TMTC4: variants seen among roughly 807,000 people sequenced by gnomAD.
The protein encoded by TMTC4 is transmembrane O-mannosyltransferase targeting cadherins 4, also known as protein O-mannosyl-transferase TMTC4.
Under a neutral mutation model 86.0 loss-of-function variants are expected in TMTC4, and 65 were observed. The observed-to-expected ratio is 0.76, with a 90% CI of 0.62 to 0.93. The LOEUF is 0.93. TMTC4 is among the 40% of genes least tolerant of loss of function. TMTC4 has a pLI of 0.00. For synonymous variants in TMTC4, 379 were observed against 382.5 expected (o/e 0.99, Z 0.11); for missense variants, 866 against 948.1 (o/e 0.91, Z 1.14).
At chr13:100,623,434 T>A (rs1012353977) in intron 15 of TMTC4, among the ~76,000 whole-genome samples, 6 of 152,228 alleles carry the variant, frequency 3.9e-5, no homozygotes, top group African/African-American at 1.4e-4. Flanking sequence ...GGTTTCGCCA[T>A]GTTGGCCAGG....
Position 100,612,420 on chromosome 13 carries a change from A to G in TMTC4, c.2042T>C (p.Leu681Pro), listed in dbSNP as rs1877740411. The G allele has an allele frequency of 1.9e-6, 3 of 1,610,138 alleles. No homozygotes were observed. The highest frequency in any genetic ancestry group is 1.3e-5 in the African/African-American group (1 of 74,800). Residue 681 changes from leucine to proline, a missense_variant, in exon 17 of 19, where the codon CTG becomes CCG. Leu to Pro is a moderately conservative substitution (Grantham distance 98, BLOSUM62 -3). Coordinates refer to ENST00000342624, the MANE Select transcript of TMTC4 (RefSeq NM_032813.5). The stretch of plus-strand genomic sequence containing the variant: ...CACCTTGTATTTCTGGGATTTCCCC[A>G]GCACGTTTGCCAACGAGAACATGAG... ...HSLMFSLANV[L>P]GKSQKYKESE... is the part of the protein sequence containing the mutation.
rs1887638685 is a variant in TMTC4, at chr13:100,674,771, T to C, written c.-235A>G. On this transcript the variant is annotated 5_prime_UTR_variant, in exon 1 of 19. An upstream start codon of the reference 5' UTR is lost. Transcript: ENST00000342624. Reference sequence around the variant, plus strand: ...GCAAGGAGCCTGAGCCCCGGCCGCATCTCCCTCCCGGGTGCGGAAACTCTG... The same window carrying C: ...GCAAGGAGCCTGAGCCCCGGCCGCACCTCCCTCCCGGGTGCGGAAACTCTG... 3 of 983,538 alleles carry C rather than the reference T, an allele frequency of 3.1e-6. No homozygotes were observed. The highest frequency in any genetic ancestry group is 3.6e-6 in the Non-Finnish European group (3 of 829,308). 60.9% of individuals were successfully genotyped at this position (983,538 alleles called of 1,614,324 possible). A position where few individuals can be genotyped will look rare whatever the true frequency, so the allele number is the denominator to read the frequency against.
At chr13:100,647,073 C>T (rs941396125) in intron 6 of TMTC4, among the ~76,000 whole-genome samples, 22 of 152,094 alleles carry the variant, frequency 1.4e-4, no homozygotes, top group East Asian at 1.9e-4. Context: ...CGGAGAAGTC[C>T]GGGCCTTCCG....
In TMTC4 at chr13:100,612,452, A is replaced by T; in HGVS notation, c.2010T>A (p.Asp670Glu). ...TTGCCAACGAGAACATGAGAGAGTG[A>T]TCATTAGGTATTAATTCCAGTGCCT... ...GREALELIPN[D>E]HSLMFSLANV... Residue 670 changes from aspartate to glutamate, a missense_variant, in exon 17 of 19, where the codon GAT becomes GAA. Physicochemically the swap from Asp to Glu is conservative, Grantham distance 45. Coordinates refer to ENST00000342624, the MANE Select transcript of TMTC4 (RefSeq NM_032813.5). 6.2e-7 allele frequency: 1 copy of T among 1,611,738 alleles called. No homozygotes were observed. The highest frequency in any genetic ancestry group is 8.5e-7 in the Non-Finnish European group (1 of 1,179,292).
chr13:100,670,629 A>C (rs993689564), intron 1 of TMTC4, 60 bp from the exon 2 acceptor site: 4 of 406,386 alleles, frequency 9.8e-6, no homozygotes, highest in Non-Finnish European at 1.7e-5. Flanking sequence ...ATTTCAGCTA[A>C]AGAAATTACT....
chr13:100,651,940 A>C (rs1447893625), intron 6 of TMTC4, among the ~76,000 whole-genome samples: 1 of 152,238 alleles, frequency 6.6e-6, no homozygotes, highest in African/African-American at 2.4e-5. Context: ...CTGAACATTT[A>C]TAGACATGGG....
chr13:100,672,627 A>T (rs893546523), intron 1 of TMTC4, among the ~76,000 whole-genome samples: 1 of 152,118 alleles, frequency 6.6e-6, no homozygotes, highest in Non-Finnish European at 1.5e-5. Flanking sequence ...AGTAGCTGGG[A>T]CTATAGGCAT....
At position 100,604,843 on chromosome 13, in the gene TMTC4, C is replaced by G; in HGVS notation, c.*151G>C. On this transcript the variant is annotated 3_prime_UTR_variant, in exon 19 of 19. Coordinates refer to ENST00000342624, the MANE Select transcript of TMTC4 (RefSeq NM_032813.5). ...CGCATTCAAGAGTATATTGCTGGTG[C>G]TATAATCTTTTTGCATGTCTTTGTT... The G allele has an allele frequency of 1.3e-6, 1 of 772,338 alleles. No individual in the cohort carries two copies. Among genetic ancestry groups the G allele is most frequent in the Non-Finnish European group, 1.9e-6 (1 of 529,388 alleles). 47.8% of individuals were successfully genotyped at this position (772,338 alleles called of 1,614,324 possible).
At chr13:100,640,731 A>T (rs552178593) in intron 7 of TMTC4, among the ~76,000 whole-genome samples, 110 of 151,138 alleles carry the variant, frequency 7.3e-4, no homozygotes, top group Non-Finnish European at 1.5e-3. Flanking sequence ...CTGAGGTGGG[A>T]GGATCGTTGA....
intron 7 of TMTC4, among the ~76,000 whole-genome samples, chr13:100,640,180 CA>C (rs1882829744): frequency 6.6e-6 from 1 of 151,818 alleles, no homozygotes; most frequent in South Asian, 2.1e-4. Context: ...TTTTGCCCTC[CA>C]GGGGGGTGTT....
At chr13:100,630,736 C>A (rs1881243761) in intron 12 of TMTC4, among the ~76,000 whole-genome samples, 1 of 152,196 alleles carries the variant, frequency 6.6e-6, no homozygotes, top group Non-Finnish European at 1.5e-5. Flanking sequence ...TTGTTCCAGG[C>A]AAATTCTGTT....
At chr13:100,636,457 A>G (rs1354843314) in intron 10 of TMTC4, 75 bp downstream of exon 10, 2 of 1,530,970 alleles carry the variant, frequency 1.3e-6, no homozygotes, top group African/African-American at 2.7e-5. Context: ...AATCATAAAA[A>G]TGATCAGCGC....
chr13:100,608,097 A>G (rs978375515), intron 17 of TMTC4, among the ~76,000 whole-genome samples: 1 of 152,240 alleles, frequency 6.6e-6, no homozygotes, highest in African/African-American at 2.4e-5. Context: ...CAACCTGTAA[A>G]TGAAGTAGTG....
At chr13:100,648,059 T>A (rs1275167647) in intron 6 of TMTC4, among the ~76,000 whole-genome samples, 2 of 152,194 alleles carry the variant, frequency 1.3e-5, no homozygotes, top group East Asian at 3.8e-4. Context: ...TGAAAAGATA[T>A]GAAAGATGAA....
intron 17 of TMTC4, 32 bp from the exon 18 acceptor site, chr13:100,606,459 T>C: frequency 6.3e-7 from 1 of 1,578,070 alleles, no homozygotes; most frequent in Non-Finnish European, 8.7e-7. Context: ...AAGGAAGATA[T>C]TTATTGTACA....
rs1246989960 is a variant in TMTC4, at chr13:100,605,232, C to T, written c.2135-90G>A. 10 of 1,430,676 alleles carry T rather than the reference C, an allele frequency of 7.0e-6. No homozygotes were observed. The highest frequency in any genetic ancestry group is 2.8e-5 in the South Asian group (2 of 71,708). 88.6% of individuals were successfully genotyped at this position (1,430,676 alleles called of 1,614,324 possible). A position where few individuals can be genotyped will look rare whatever the true frequency, so the allele number is the denominator to read the frequency against. ...CTTGGACAAAGAAATATTACAGATCCTATGCAAACAGTTTTCAAAAGTCAA... is the reference window on the plus strand; with the variant it reads ...CTTGGACAAAGAAATATTACAGATCTTATGCAAACAGTTTTCAAAAGTCAA... On this transcript the variant is annotated intron_variant, in intron 18 of 18. Transcript: ENST00000342624. The surrounding 1 kb of genome is among the most constrained non-coding windows in gnomAD (Gnocchi z 4.3).
rs1886937130 is a variant in TMTC4, at chr13:100,670,389, G to A, written c.-27C>T. The A allele has an allele frequency of 6.2e-7, 1 of 1,602,160 alleles. No individual in the cohort carries two copies. The highest frequency in any genetic ancestry group is 8.5e-7 in the Non-Finnish European group (1 of 1,175,632). On this transcript the variant is annotated 5_prime_UTR_variant, in exon 2 of 19. Coordinates refer to ENST00000342624, the MANE Select transcript of TMTC4 (RefSeq NM_032813.5). ...CCATGGTGATGCTGTCCCCTTCCAG[G>A]GGCCAGAAGGAGGCTCAGATTTACA... is the stretch of plus-strand genomic sequence containing the variant.
chr13:100,614,547 CA>C (rs1224027518), intron 15 of TMTC4, 117 bp from the exon 16 acceptor site: 2 of 727,558 alleles, frequency 2.7e-6, no homozygotes, highest in Non-Finnish European at 4.4e-6. Context: ...AATAAAAAAC[CA>C]AAACCTAACT....
intron 7 of TMTC4, among the ~76,000 whole-genome samples, chr13:100,639,010 C>T (rs953459985): frequency 6.6e-6 from 1 of 152,244 alleles, no homozygotes; most frequent in East Asian, 1.9e-4. Context: ...ATTCTATTCT[C>T]TCTCCTGCCA....
Sources: gnomAD v4.1 joint callset for allele counts (sites outside exome capture counted in the v4.1 genomes callset) on GRCh38, gnomAD v4.1.1 for gene constraint, Gnocchi (gnomAD v3.1) non-coding constraint, MANE v1.5 for transcripts, NCBI Gene and HGNC (gene_info 2026-07-23, HGNC 2026-07-21) for gene names.